ILDR1: variants seen among roughly 807,000 people sequenced by gnomAD.
ILDR1 encodes the protein immunoglobulin-like domain-containing receptor 1.
Under a neutral mutation model 62.4 loss-of-function variants are expected in ILDR1, and 56 were observed. The observed-to-expected ratio is 0.90, with a 90% confidence interval of 0.72 to 1.12. ILDR1 has a LOEUF of 1.12. ILDR1 is among the 50% of genes most tolerant of loss of function. The pLI, the probability that ILDR1 is intolerant of heterozygous loss-of-function variation, is 0.00. For missense variants in ILDR1, 736 were observed against 710.6 expected, an observed-to-expected ratio of 1.04 and a Z score of -0.41; for synonymous variants, 284 against 277.8, an observed-to-expected ratio of 1.02 and a Z score of -0.22.
At chr3:122,027,523 A>T in the ILDR1 span, among the ~76,000 whole-genome samples, 25 of 152,328 alleles carry the variant, frequency 1.6e-4, no homozygotes, top group African/African-American at 6.0e-4. Context: ...AAATAAATGC[A>T]AAGATATATT....
chr3:122,047,579 A>T, the ILDR1 span, among the ~76,000 whole-genome samples: 1 of 152,204 alleles, frequency 6.6e-6, no homozygotes, highest in African/African-American at 2.4e-5. Flanking sequence ...CCGTGGGCGT[A>T]GGACCCTCCG....
the ILDR1 span, among the ~76,000 whole-genome samples, chr3:122,049,483 T>G: frequency 6.6e-6 from 1 of 152,208 alleles, no homozygotes; most frequent in South Asian, 2.1e-4. Flanking sequence ...ATTAAAATCC[T>G]CTATTATTAT....
the ILDR1 span, among the ~76,000 whole-genome samples, chr3:122,034,506 C>T: frequency 6.6e-6 from 1 of 152,302 alleles, no homozygotes; most frequent in South Asian, 2.1e-4. Context: ...ATTACCTTAG[C>T]TGATGCTTCC....
chr3:122,030,379 C>A, the ILDR1 span, among the ~76,000 whole-genome samples: 1 of 151,944 alleles, frequency 6.6e-6, no homozygotes, highest in Non-Finnish European at 1.5e-5. Context: ...AGTATGGAAA[C>A]AGACACAATA....
chr3:122,030,550 C>G, the ILDR1 span, among the ~76,000 whole-genome samples: 1 of 151,674 alleles, frequency 6.6e-6, no homozygotes, highest in African/African-American at 2.4e-5. Context: ...CTGCAGCCAA[C>G]TATGGATGGT....
Position 121,994,192 on chromosome 3 carries a change from C to A in ILDR1, c.768G>T (p.Leu256=). Residue 256 remains leucine, a synonymous_variant, in exon 6 of 8, where the codon CTG becomes CTT. Coordinates refer to ENST00000344209, the MANE Select transcript of ILDR1 (RefSeq NM_001199799.2). ...TCTGGAAGAGTTTACCTCGCTGCAG[C>A]AGCGGGTGCATTGGATAAGATGAAA... The part of the protein sequence containing the change: ...SQVSSYPMHP[L]LQRDLSLPSS... 1 of 1,536,144 alleles carries A rather than the reference C, an allele frequency of 6.5e-7. No individual in the cohort carries two copies. Among genetic ancestry groups the A allele is most frequent in the Non-Finnish European group, 8.7e-7 (1 of 1,146,914 alleles).
intron 5 of ILDR1, among the ~76,000 whole-genome samples, chr3:122,000,965 C>A (rs559015396): frequency 7.9e-5 from 12 of 152,288 alleles, no homozygotes; most frequent in African/African-American, 2.9e-4. Context: ...TTATTTAAAC[C>A]ACTCGCTCCA....
At position 121,987,589 on chromosome 3, in the gene ILDR1, T is replaced by TAAC. The variant is rs1245624663; in HGVS notation, c.*775_*777dup. Reference sequence around the variant, plus strand: ...TTTATGGGCTGGCAGGATAAACTCCTAACAAGAAAGGACCCTCAAGACATG... The same window carrying TAAC: ...TTTATGGGCTGGCAGGATAAACTCCTAACAACAAGAAAGGACCCTCAAGACATG... On this transcript the variant is annotated 3_prime_UTR_variant, in exon 8 of 8. Coordinates refer to ENST00000344209, the MANE Select transcript of ILDR1 (RefSeq NM_001199799.2). 2 of 152,346 alleles carry TAAC rather than the reference T, an allele frequency of 1.3e-5. No individual in the cohort carries two copies. Among genetic ancestry groups the TAAC allele is most frequent in the African/African-American group, 4.8e-5 (2 of 41,442 alleles). The allele number at this position is 152,346 out of a possible 1,614,324, so 9.4% of individuals were successfully genotyped here. A position where few individuals can be genotyped will look rare whatever the true frequency, so the allele number is the denominator to read the frequency against.
At chr3:121,998,185 G>C (rs2071466124) in intron 5 of ILDR1, among the ~76,000 whole-genome samples, 1 of 152,114 alleles carries the variant, frequency 6.6e-6, no homozygotes, top group South Asian at 2.1e-4. Context: ...CCCTTTCTAA[G>C]GCCAGTTCTT....
chr3:122,029,533 T>TATATATATATATATATATATA, the ILDR1 span, among the ~76,000 whole-genome samples: 5 of 148,780 alleles, frequency 3.4e-5, no homozygotes, highest in African/African-American at 1.2e-4. Context: ...TATATATATA[T>TATATATATATATATATATATA]TTAGGGGAAT....
At chr3:122,008,272 A>T (rs767131641) in intron 1 of ILDR1, among the ~76,000 whole-genome samples, 2 of 152,226 alleles carry the variant, frequency 1.3e-5, no homozygotes, top group Non-Finnish European at 2.9e-5. Context: ...AGGCATACTT[A>T]AAGCTCCAGG....
rs1240134658 is a variant in ILDR1 at position 121,993,905 on chromosome 3, C to T, written c.844G>A (p.Ala282Thr). 3.7e-6 allele frequency: 6 copies of T among 1,613,644 alleles called. No homozygotes were observed. Among genetic ancestry groups the T allele is most frequent in the East Asian group, 2.2e-5 (1 of 44,890 alleles). The change falls in exon 7 of 8, where the codon GCC becomes ACC. Residue 282 changes from alanine (A) to threonine (T), a missense_variant. Coordinates refer to ENST00000344209, the MANE Select transcript of ILDR1 (RefSeq NM_001199799.2). ...TCCAAATACTCCAGGACACCATTGG[C>T]GATGGGAGGCTGATTGGTGGTCTGG... Reference protein sequence around the residue: ...MTQTTNQPPIANGVLEYLEKE... With the variant: ...MTQTTNQPPITNGVLEYLEKE...
chr3:122,013,016 A>C (rs2071726590), intron 1 of ILDR1, among the ~76,000 whole-genome samples: 1 of 152,190 alleles, frequency 6.6e-6, no homozygotes, highest in Non-Finnish European at 1.5e-5. Flanking sequence ...GAAGGAGAGA[A>C]GGGGAAGGGG....
intron 5 of ILDR1, among the ~76,000 whole-genome samples, chr3:121,997,126 C>G (rs1434778366): frequency 6.6e-6 from 1 of 152,192 alleles, no homozygotes; most frequent in Non-Finnish European, 1.5e-5. Context: ...GTTTTGAACT[C>G]CTGACCTCAG....
At chr3:122,003,068 C>T (rs2071552146) in intron 3 of ILDR1, among the ~76,000 whole-genome samples, 1 of 152,076 alleles carries the variant, frequency 6.6e-6, no homozygotes, top group African/African-American at 2.4e-5. Flanking sequence ...GAAACAAGAC[C>T]CTCTTCTGTC....
the ILDR1 span, among the ~76,000 whole-genome samples, chr3:122,059,684 G>A: frequency 5.3e-5 from 8 of 152,158 alleles, no homozygotes; most frequent in African/African-American, 2.4e-5. Flanking sequence ...TACATGTTAA[G>A]CGTTGAATTG....
the ILDR1 span, among the ~76,000 whole-genome samples, chr3:122,047,522 C>T: frequency 6.1e-4 from 93 of 152,284 alleles, no homozygotes; most frequent in Middle Eastern, 3.4e-3. Flanking sequence ...GCCTCGCTGC[C>T]GCCTTGCATT....
chr3:122,044,569 C>A, the ILDR1 span, among the ~76,000 whole-genome samples: 1 of 151,340 alleles, frequency 6.6e-6, no homozygotes, highest in Non-Finnish European at 1.5e-5. Flanking sequence ...GGTTGGTAAA[C>A]TATTGATTAT....
the ILDR1 span, among the ~76,000 whole-genome samples, chr3:122,048,565 T>C: frequency 6.6e-6 from 1 of 152,218 alleles, no homozygotes; most frequent in South Asian, 2.1e-4. Context: ...GAGCTTTTCT[T>C]TAATGGGAAG....
Sources: gnomAD v4.1 joint callset for allele counts (sites outside exome capture counted in the v4.1 genomes callset) on GRCh38, gnomAD v4.1.1 for gene constraint, MANE v1.5 for transcripts, NCBI Gene and HGNC (gene_info 2026-07-23, HGNC 2026-07-21) for gene names.